The following PRELID2 variants were observed in gnomAD, a reference collection of about 807,000 sequenced individuals.
PRELID2 encodes the protein PRELI domain-containing protein 2.
PRELID2 carries 25 observed loss-of-function variants against 28.4 expected under a neutral mutation model. That is an observed-to-expected ratio of 0.88 (90% confidence interval 0.64 to 1.23). PRELID2 has a LOEUF of 1.23. PRELID2 is among the 50% of genes most tolerant of loss of function. The probability of loss-of-function intolerance (pLI) is 0.00; values close to 1 mark genes in which losing one functional copy is unlikely to be tolerated. For missense variants in PRELID2, 201 were observed against 214.4 expected, an observed-to-expected ratio of 0.94 and a Z score of 0.39; for synonymous variants, 76 against 71.6, an observed-to-expected ratio of 1.06 and a Z score of -0.31.
the PRELID2 span, among the ~76,000 whole-genome samples, chr5:145,263,309 T>C: frequency 6.6e-6 from 1 of 152,076 alleles, no homozygotes; most frequent in East Asian, 1.9e-4. Flanking sequence ...AAAAGAAATT[T>C]AATACCATAC....
intron 1 of PRELID2, among the ~76,000 whole-genome samples, chr5:145,667,501 A>T (rs547978332): frequency 2.7e-4 from 41 of 152,114 alleles, no homozygotes; most frequent in Admixed American, 1.6e-3. Flanking sequence ...ACACTGAGGC[A>T]CAAGGTAGTT....
At chr5:145,727,044 G>T (rs750752882) in intron 1 of PRELID2, among the ~76,000 whole-genome samples, 1 of 152,206 alleles carries the variant, frequency 6.6e-6, no homozygotes, top group Non-Finnish European at 1.5e-5. Context: ...GGCTGTGAAG[G>T]CCCAGAGTTC....
At chr5:145,572,816 T>C (rs10067757) in intron 1 of PRELID2, among the ~76,000 whole-genome samples, 16,672 of 152,112 alleles carry the variant, frequency 0.11, 2,486 homozygotes, top group African/African-American at 0.34. Context: ...GGTATTCCCA[T>C]TCGGTCTGGT....
At chr5:145,676,909 A>G (rs903026824) in intron 1 of PRELID2, among the ~76,000 whole-genome samples, 6 of 152,158 alleles carry the variant, frequency 3.9e-5, no homozygotes, top group African/African-American at 1.2e-4. Flanking sequence ...AATAAGTTGC[A>G]AAGAAAGAAA....
rs564684736 is a variant in PRELID2 at position 145,721,109 on chromosome 5, T to C, written n.70+43822A>G. Among the ~76,000 whole-genome samples, 26 of 152,280 alleles carry C rather than the reference T, an allele frequency of 1.7e-4. No homozygotes were observed. In the South Asian group the frequency reaches 3.5e-3, roughly 21 times the overall value. The stretch of plus-strand genomic sequence containing the variant: ...TTTGCAAATCCCTTTAAGGTCTGTC[T>C]TAATAGAAGACAGCTAGATTTTCAT... On this transcript the variant is annotated intron_variant and non_coding_transcript_variant, in intron 1 of 2. Transcript: ENST00000510259.
rs185447483 is a variant in PRELID2 at position 145,480,901 on chromosome 5, T to C, written n.71-7586A>G. ...TATTATTTTTCTTTCAAAGCGAGGT[T>C]ACCGAATAGAAATGGAAATGTTTTA... On this transcript the variant is annotated intron_variant and non_coding_transcript_variant, in intron 1 of 2. Transcript: ENST00000510259. Among the ~76,000 whole-genome samples, 169 of 152,330 alleles carry C rather than the reference T, an allele frequency of 1.1e-3. 1 individual carries two copies. Among genetic ancestry groups the C allele is most frequent in the Non-Finnish European group, 1.7e-3 (115 of 68,010 alleles).
intron 1 of PRELID2, among the ~76,000 whole-genome samples, chr5:145,666,072 T>C (rs2149680146): frequency 6.6e-6 from 1 of 151,990 alleles, no homozygotes; most frequent in African/African-American, 2.4e-5. Context: ...TCTTCAGACA[T>C]AACTGGATCA....
intron 1 of PRELID2, among the ~76,000 whole-genome samples, chr5:145,503,686 C>T (rs1294557092): frequency 2.0e-5 from 3 of 152,156 alleles, no homozygotes; most frequent in Non-Finnish European, 4.4e-5. Context: ...TAATTGTTTC[C>T]ATGATCAAAT....
downstream of PRELID2, among the ~76,000 whole-genome samples, chr5:145,467,902 GTTTT>G (rs1201482679): frequency 2.0e-5 from 3 of 150,282 alleles, no homozygotes; most frequent in Non-Finnish European, 4.4e-5. Flanking sequence ...GTTTCATTTT[GTTTT>G]GTTTTTTATA....
intron 1 of PRELID2, among the ~76,000 whole-genome samples, chr5:145,611,254 C>T (rs1753612963): frequency 1.3e-5 from 2 of 152,016 alleles, no homozygotes; most frequent in Non-Finnish European, 2.9e-5. Flanking sequence ...ACCTCCTCCT[C>T]CCAGGTTCAA....
At chr5:145,452,538 T>C in the PRELID2 span, among the ~76,000 whole-genome samples, 3 of 152,154 alleles carry the variant, frequency 2.0e-5, no homozygotes, top group Non-Finnish European at 2.9e-5. Context: ...CAGTTTTTAT[T>C]CTCTAATATG....
chr5:145,729,835 A>G (rs1756285947), intron 1 of PRELID2, among the ~76,000 whole-genome samples: 1 of 152,104 alleles, frequency 6.6e-6, no homozygotes, highest in African/African-American at 2.4e-5. Flanking sequence ...TGAGAGATAA[A>G]GTGGGTCCAG....
intron 1 of PRELID2, among the ~76,000 whole-genome samples, chr5:145,519,728 G>A (rs1404880768): frequency 1.3e-5 from 2 of 151,984 alleles, no homozygotes; most frequent in African/African-American, 4.8e-5. Context: ...GAATTCATAG[G>A]CTCTGATCCA....
At chr5:145,632,978 C>T (rs898019813) in intron 1 of PRELID2, among the ~76,000 whole-genome samples, 25 of 152,172 alleles carry the variant, frequency 1.6e-4, no homozygotes, top group African/African-American at 6.0e-4. Context: ...CATGTGGCAC[C>T]GTGTGACAAG....
intron 1 of PRELID2, among the ~76,000 whole-genome samples, chr5:145,687,575 T>C (rs2149693287): frequency 6.6e-6 from 1 of 152,310 alleles, no homozygotes; most frequent in Non-Finnish European, 1.5e-5. Flanking sequence ...ACTAACAAAA[T>C]TGTCATTCTT....
At chr5:145,685,855 C>G (rs2149692116) in intron 1 of PRELID2, among the ~76,000 whole-genome samples, 1 of 152,294 alleles carries the variant, frequency 6.6e-6, no homozygotes, top group Admixed American at 6.5e-5. Context: ...TTCAGCTTCC[C>G]TATCCTGGAC....
At chr5:145,653,306 C>T (rs1056191148) in intron 1 of PRELID2, among the ~76,000 whole-genome samples, 1 of 152,158 alleles carries the variant, frequency 6.6e-6, no homozygotes, top group African/African-American at 2.4e-5. Flanking sequence ...TAATGGGAGA[C>T]TTTAACACCC....
chr5:145,429,202 C>T, the PRELID2 span, among the ~76,000 whole-genome samples: 1 of 152,114 alleles, frequency 6.6e-6, no homozygotes, highest in African/African-American at 2.4e-5. Context: ...TGAAGGCAAA[C>T]AGATTAGGAT....
chr5:145,687,004 C>G (rs1016164415), intron 1 of PRELID2, among the ~76,000 whole-genome samples: 1 of 152,050 alleles, frequency 6.6e-6, no homozygotes, highest in African/African-American at 2.4e-5. Flanking sequence ...GACAAATTGT[C>G]ATCTAGAGAG....
Sources: gnomAD v4.1 joint callset for allele counts (sites outside exome capture counted in the v4.1 genomes callset) on GRCh38, gnomAD v4.1.1 for gene constraint, MANE v1.5 for transcripts, NCBI Gene and HGNC (gene_info 2026-07-23, HGNC 2026-07-21) for gene names.